Variants in ACTR3C observed in about 807,000 individuals in gnomAD.
The protein encoded by ACTR3C is actin related protein 3C, also known as actin-related protein 3C.
In ACTR3C, 18 loss-of-function variants were observed where a neutral mutation model predicts 26.3. The ratio of observed to expected loss-of-function variants is 0.68; its 90% CI spans 0.47 to 1.01. The LOEUF (loss-of-function observed/expected upper bound fraction) is 1.01, where lower values mean the gene tolerates loss of function less well. ACTR3C is among the 50% of genes least tolerant of loss of function. ACTR3C has a pLI of 0.00. For synonymous variants in ACTR3C, 55 were observed against 94.5 expected, an observed-to-expected ratio of 0.58 and a Z score of 2.42; for missense variants, 184 against 250.7, an observed-to-expected ratio of 0.73 and a Z score of 1.80.
At chr7:150,035,514 C>G in the ACTR3C span, among the ~76,000 whole-genome samples, 2,682 of 25,752 alleles carry the variant, frequency 0.1, 119 homozygotes, top group African/African-American at 0.16. Flanking sequence ...GCTCTCAGTC[C>G]CCACTCTCGT....
At chr7:149,985,759 T>C in the ACTR3C span, among the ~76,000 whole-genome samples, 1 of 152,190 alleles carries the variant, frequency 6.6e-6, no homozygotes, top group Non-Finnish European at 1.5e-5. Flanking sequence ...CCATGGTACT[T>C]GTCAAAGCCC....
At chr7:149,965,038 C>T in the ACTR3C span, among the ~76,000 whole-genome samples, 1 of 151,834 alleles carries the variant, frequency 6.6e-6, no homozygotes. Flanking sequence ...ATATCCAAGT[C>T]CTTTTTGTAT....
intron 1 of ACTR3C, among the ~76,000 whole-genome samples, chr7:150,315,725 C>T (rs1796799795): frequency 6.6e-6 from 1 of 152,126 alleles, no homozygotes; most frequent in Non-Finnish European, 1.5e-5. Flanking sequence ...TCCAGAGAGA[C>T]TCTAGCATGT....
chr7:150,160,404 C>T, the ACTR3C span, among the ~76,000 whole-genome samples: 1 of 152,090 alleles, frequency 6.6e-6, no homozygotes, highest in Non-Finnish European at 1.5e-5. Flanking sequence ...CACCCCTTCT[C>T]TGAAACTAGG....
chr7:150,317,517 AATG>A (rs1481478338), intron 1 of ACTR3C, among the ~76,000 whole-genome samples: 1 of 152,184 alleles, frequency 6.6e-6, no homozygotes, highest in Non-Finnish European at 1.5e-5. Flanking sequence ...AGTCACTTGA[AATG>A]ATGATAATTT....
rs552406983 is a variant in ACTR3C, at chr7:150,307,697, C to A, written c.-51-12350G>T. 2.0e-5 allele frequency among the ~76,000 whole-genome samples: 3 copies of A among 152,320 alleles called. No homozygotes were observed. In the South Asian group the frequency reaches 6.2e-4, roughly 32 times the overall value. On this transcript the variant is annotated intron_variant, in intron 1 of 7. Coordinates refer to ENST00000683684, the MANE Select transcript of ACTR3C (RefSeq NM_001164458.2). ...TAGGTGGTCTCTTCACACAGAGGCG[C>A]TTGACATTTGGTGCCATGACTTGGT...
intron 1 of ACTR3C, among the ~76,000 whole-genome samples, chr7:150,307,624 G>A (rs192854784): frequency 5.3e-5 from 8 of 152,068 alleles, no homozygotes; most frequent in Non-Finnish European, 7.4e-5. Flanking sequence ...GACTCAGTCC[G>A]CCTGCACCCA....
the ACTR3C span, among the ~76,000 whole-genome samples, chr7:150,038,705 G>A: frequency 1.4e-5 from 2 of 142,396 alleles, 1 homozygote; most frequent in African/African-American, 5.4e-5. Context: ...AACACCCACA[G>A]TCCTCCAGGT....
the ACTR3C span, among the ~76,000 whole-genome samples, chr7:150,158,902 C>T: frequency 4.6e-5 from 7 of 150,586 alleles, no homozygotes; most frequent in East Asian, 2.0e-4. Flanking sequence ...AAGGCACACA[C>T]GTGCGCACAC....
chr7:150,206,422 AT>A, the ACTR3C span, among the ~76,000 whole-genome samples: 2 of 151,338 alleles, frequency 1.3e-5, no homozygotes, highest in East Asian at 1.9e-4. Flanking sequence ...TTTTATTATT[AT>A]TTTTTTTGAG....
At chr7:149,983,521 G>T in the ACTR3C span, among the ~76,000 whole-genome samples, 2 of 147,390 alleles carry the variant, frequency 1.4e-5, no homozygotes, top group African/African-American at 5.0e-5. Flanking sequence ...GTACATTATT[G>T]GGGGGGAATG....
At chr7:149,962,368 AG>A in the ACTR3C span, among the ~76,000 whole-genome samples, 211 of 152,240 alleles carry the variant, frequency 1.4e-3, no homozygotes, top group Non-Finnish European at 2.5e-3. Flanking sequence ...AGGCTTCTTG[AG>A]GAAGAAAATT....
chr7:150,140,453 C>T, the ACTR3C span, among the ~76,000 whole-genome samples: 6 of 152,090 alleles, frequency 3.9e-5, no homozygotes, highest in South Asian at 6.2e-4. Flanking sequence ...AATAGCATGA[C>T]GTGCCACAGA....
At chr7:150,133,205 C>T in the ACTR3C span, among the ~76,000 whole-genome samples, 7 of 152,050 alleles carry the variant, frequency 4.6e-5, no homozygotes, top group Admixed American at 2.0e-4. Flanking sequence ...AGGTTGGACG[C>T]GAGCTTTGTA....
chr7:150,320,101 T>C (rs1465814067), intron 1 of ACTR3C, among the ~76,000 whole-genome samples: 1 of 152,260 alleles, frequency 6.6e-6, no homozygotes, highest in Non-Finnish European at 1.5e-5. Flanking sequence ...GCCCATAGTG[T>C]GGATCCCATG....
chr7:150,123,971 C>T, the ACTR3C span, among the ~76,000 whole-genome samples: 2 of 152,144 alleles, frequency 1.3e-5, no homozygotes, highest in Non-Finnish European at 2.9e-5. Flanking sequence ...CCCCGATGTC[C>T]CTTCCATCTC....
intron 6 of ACTR3C, among the ~76,000 whole-genome samples, chr7:150,258,813 T>C (rs1230362943): frequency 6.6e-6 from 1 of 150,964 alleles, no homozygotes; most frequent in Non-Finnish European, 1.5e-5. Context: ...ATTTAACTCA[T>C]CAATTTGGCT....
At chr7:150,293,688 C>A (rs2531050) in intron 2 of ACTR3C, among the ~76,000 whole-genome samples, 4 of 152,210 alleles carry the variant, frequency 2.6e-5, no homozygotes, top group South Asian at 4.1e-4. Context: ...GTAATCCCAA[C>A]ACTTTGGGAG....
the ACTR3C span, among the ~76,000 whole-genome samples, chr7:150,227,422 C>G: frequency 6.6e-6 from 1 of 151,042 alleles, no homozygotes; most frequent in Non-Finnish European, 1.5e-5. Flanking sequence ...GCTTATTTCA[C>G]TTAGCATAAT....
Sources: gnomAD v4.1 joint callset for allele counts (sites outside exome capture counted in the v4.1 genomes callset) on GRCh38, gnomAD v4.1.1 for gene constraint, MANE v1.5 for transcripts, NCBI Gene and HGNC (gene_info 2026-07-23, HGNC 2026-07-21) for gene names.